The following UBTD2 variants were observed in gnomAD, a reference collection of about 807,000 sequenced individuals.
The protein encoded by UBTD2 is ubiquitin domain-containing protein 2.
UBTD2 carries 9 observed loss-of-function variants against 19.8 expected under a neutral mutation model. The ratio of observed to expected loss-of-function variants is 0.46; its 90% CI spans 0.27 to 0.79. The LOEUF is 0.79. UBTD2 is among the 30% of genes least tolerant of loss of function. The pLI is 0.14. For synonymous variants in UBTD2, 98 were observed against 103.9 expected (o/e 0.94, Z 0.35); for missense variants, 250 against 300.4 (o/e 0.83, Z 1.24).
chr5:172,274,135 CTTT>C (rs555392614), intron 1 of UBTD2, among the ~76,000 whole-genome samples: 4 of 108,628 alleles, frequency 3.7e-5, no homozygotes, highest in African/African-American at 1.5e-4. Context: ...TTTTGCTTTA[CTTT>C]TTTTTTTTTT....
chr5:172,217,703 G>A (rs994486653), intron 2 of UBTD2, among the ~76,000 whole-genome samples: 2 of 152,032 alleles, frequency 1.3e-5, no homozygotes, highest in African/African-American at 4.8e-5. Flanking sequence ...ATGTTGTCCA[G>A]GCTGGTCTCA....
At position 172,212,023 on chromosome 5, in the gene UBTD2, G is replaced by A. The variant is rs1345853420; in HGVS notation, c.512C>T (p.Thr171Ile). 1 of 1,614,226 alleles carries A rather than the reference G, an allele frequency of 6.2e-7. No individual in the cohort carries two copies. Among genetic ancestry groups the A allele is most frequent in the South Asian group, 1.1e-5 (1 of 91,084 alleles). Residue 171 changes from threonine (T) to isoleucine (I), a missense_variant, in exon 3 of 3, where the codon ACA becomes ATA. By Grantham distance (89) the Thr-to-Ile change is moderately conservative. Coordinates refer to ENST00000393792, the MANE Select transcript of UBTD2 (RefSeq NM_152277.3). ...TCTCTTCATGTGGAATACTGTGTCT[G>A]TGCTGCGAACCACAAGCTTGAGGTC... ...GKDLKLVVRS[T>I]DTVFHMKRRL... is the part of the protein sequence containing the mutation.
At chr5:172,272,601 G>A (rs948423950) in intron 1 of UBTD2, among the ~76,000 whole-genome samples, 8 of 152,130 alleles carry the variant, frequency 5.3e-5, no homozygotes, top group African/African-American at 1.7e-4. Flanking sequence ...ATAAGAATGT[G>A]TTTTAGTCAA....
intron 1 of UBTD2, among the ~76,000 whole-genome samples, chr5:172,245,150 A>G (rs1225811067): frequency 6.6e-6 from 1 of 151,992 alleles, no homozygotes; most frequent in Non-Finnish European, 1.5e-5. Flanking sequence ...TGAGGAAAAT[A>G]TTTTTTTCTC....
chr5:172,263,979 C>T (rs72846908), intron 1 of UBTD2, among the ~76,000 whole-genome samples: 11,339 of 152,078 alleles, frequency 0.075, 574 homozygotes, highest in Middle Eastern at 0.12. Flanking sequence ...TGCAACAACA[C>T]ACCTAGGCTC....
At chr5:172,241,413 T>TAAAAA (rs1175413571) in intron 1 of UBTD2, among the ~76,000 whole-genome samples, 3 of 118,284 alleles carry the variant, frequency 2.5e-5, no homozygotes, top group African/African-American at 3.1e-5. Flanking sequence ...CTGTCTCAAT[T>TAAAAA]AAAAAAAAAA....
intron 1 of UBTD2, among the ~76,000 whole-genome samples, chr5:172,253,460 T>TC (rs1272385757): frequency 1.3e-5 from 2 of 150,974 alleles, no homozygotes; most frequent in African/African-American, 4.9e-5. Context: ...CCTATCAATT[T>TC]TTTTTTTTTT....
chr5:172,237,782 G>A (rs1772041773), intron 1 of UBTD2, among the ~76,000 whole-genome samples: 1 of 152,202 alleles, frequency 6.6e-6, no homozygotes. Context: ...AATAATGCAT[G>A]ATATACAATA....
At chr5:172,262,468 A>AAAAAAAAAAAT (rs763651049) in intron 1 of UBTD2, among the ~76,000 whole-genome samples, 6 of 143,116 alleles carry the variant, frequency 4.2e-5, no homozygotes, top group Non-Finnish European at 7.6e-5. Context: ...AAAAAAAAAA[A>AAAAAAAAAAAT]CAAGAAAATG....
chr5:172,257,635 T>G (rs1755184154), intron 1 of UBTD2, among the ~76,000 whole-genome samples: 1 of 152,234 alleles, frequency 6.6e-6, no homozygotes, highest in South Asian at 2.1e-4. Flanking sequence ...TCATCACATC[T>G]GTTATTTTTT....
intron 1 of UBTD2, among the ~76,000 whole-genome samples, chr5:172,241,353 G>A (rs1002173168): frequency 5.3e-5 from 8 of 149,996 alleles, no homozygotes; most frequent in African/African-American, 2.0e-4. Context: ...AGGTTGCAGT[G>A]AGCTGAGATC....
At chr5:172,248,776 A>T (rs1754932736) in intron 1 of UBTD2, among the ~76,000 whole-genome samples, 2 of 151,558 alleles carry the variant, frequency 1.3e-5, no homozygotes, top group South Asian at 2.1e-4. Flanking sequence ...AAAAAAAAAA[A>T]TTAATTAAAA....
At chr5:172,249,505 C>T (rs965213913) in intron 1 of UBTD2, among the ~76,000 whole-genome samples, 3 of 151,382 alleles carry the variant, frequency 2.0e-5, no homozygotes, top group African/African-American at 7.3e-5. Context: ...CAACATTACC[C>T]TAATACTAAA....
chr5:172,240,963 A>G (rs1772114692), intron 1 of UBTD2, among the ~76,000 whole-genome samples: 1 of 152,084 alleles, frequency 6.6e-6, no homozygotes. Flanking sequence ...TGATCACCTA[A>G]CATGAGACCA....
intron 1 of UBTD2, among the ~76,000 whole-genome samples, chr5:172,278,450 T>G (rs1755649924): frequency 6.7e-6 from 1 of 149,160 alleles, no homozygotes. Context: ...ACCTGGGAGG[T>G]AGAGGTTGCA....
intron 1 of UBTD2, chr5:172,242,285 C>T (rs1772147458): frequency 3.2e-6 from 2 of 625,236 alleles, no homozygotes; most frequent in African/African-American, 4.0e-5. Context: ...GATTAACACA[C>T]TATAATATCG....
chr5:172,273,090 A>T (rs547616766), intron 1 of UBTD2, among the ~76,000 whole-genome samples: 79 of 144,146 alleles, frequency 5.5e-4, no homozygotes, highest in Non-Finnish European at 8.0e-4. Context: ...GTCTCAAAAA[A>T]AAAAATAAAA....
intron 2 of UBTD2, among the ~76,000 whole-genome samples, chr5:172,217,516 T>G (rs1478504669): frequency 6.6e-6 from 1 of 152,160 alleles, no homozygotes; most frequent in Non-Finnish European, 1.5e-5. Context: ...GACAGGGTCT[T>G]GCTGTCACCT....
chr5:172,260,700 G>C (rs1442216615), intron 1 of UBTD2, among the ~76,000 whole-genome samples: 1 of 152,126 alleles, frequency 6.6e-6, no homozygotes, highest in African/African-American at 2.4e-5. Flanking sequence ...CAGAGCTCTT[G>C]TTACAGGTTA....
Sources: allele counts gnomAD v4.1 joint callset (sites outside exome capture counted in the v4.1 genomes callset), GRCh38; gene constraint gnomAD v4.1.1; transcripts MANE v1.5; gene names NCBI Gene and HGNC (gene_info 2026-07-23, HGNC 2026-07-21).